Variants in GABRB2 observed in about 807,000 individuals in gnomAD.
The protein encoded by GABRB2 is gamma-aminobutyric acid type A receptor subunit beta2, also known as gamma-aminobutyric acid receptor subunit beta-2.
A neutral mutation model predicts 54.7 loss-of-function variants in GABRB2; 16 were observed. The ratio of observed to expected loss-of-function variants is 0.29; its 90% CI spans 0.20 to 0.44. The LOEUF (loss-of-function observed/expected upper bound fraction) is 0.44, where lower values mean the gene tolerates loss of function less well. Ranked by LOEUF, GABRB2 falls within the 20% of genes least tolerant of loss-of-function variation. The probability of loss-of-function intolerance (pLI) is 1.00; values close to 1 mark genes in which losing one functional copy is unlikely to be tolerated. For synonymous variants in GABRB2, 244 were observed against 233.8 expected (o/e 1.04, Z -0.40); for missense variants, 355 against 644.0 (o/e 0.55, Z 4.86).
chr5:161,373,423 A>G (rs907504897), intron 5 of GABRB2, among the ~76,000 whole-genome samples: 3 of 152,242 alleles, frequency 2.0e-5, no homozygotes, highest in Admixed American at 1.3e-4. Context: ...TATCAGTTCC[A>G]GAACCATGCT....
intron 3 of GABRB2, among the ~76,000 whole-genome samples, chr5:161,479,239 C>T (rs543939720): frequency 3.3e-5 from 5 of 152,190 alleles, no homozygotes; most frequent in African/African-American, 1.2e-4. Context: ...ACTCTGTCTA[C>T]ATCAGATATT....
intron 3 of GABRB2, among the ~76,000 whole-genome samples, chr5:161,489,587 G>C (rs1759039217): frequency 7.0e-6 from 1 of 143,884 alleles, no homozygotes; most frequent in Non-Finnish European, 1.6e-5. Context: ...TAGCATCTCA[G>C]TGAAATTACT....
intron 4 of GABRB2, among the ~76,000 whole-genome samples, chr5:161,421,179 G>A (rs1756836382): frequency 6.6e-6 from 1 of 152,148 alleles, no homozygotes; most frequent in South Asian, 2.1e-4. Flanking sequence ...TCTAGTGTTG[G>A]GTTTTCCAGA....
intron 5 of GABRB2, among the ~76,000 whole-genome samples, chr5:161,389,615 CAGAG>C (rs769492071): frequency 4.7e-5 from 7 of 148,892 alleles, no homozygotes; most frequent in African/African-American, 1.5e-4. Flanking sequence ...GAGACAGAAA[CAGAG>C]AGAAAGAGAA....
intron 5 of GABRB2, among the ~76,000 whole-genome samples, chr5:161,391,364 C>A (rs552223594): frequency 6.6e-6 from 1 of 152,192 alleles, no homozygotes; most frequent in East Asian, 1.9e-4. Context: ...GTCAATTTAA[C>A]GAGACAGGTT....
chr5:161,470,741 A>G (rs1758412977), intron 3 of GABRB2, among the ~76,000 whole-genome samples: 1 of 151,916 alleles, frequency 6.6e-6, no homozygotes, highest in African/African-American at 2.4e-5. Flanking sequence ...TTATTTCTAT[A>G]ATTTTCCATT....
chr5:161,475,687 T>G (rs1039995076), intron 3 of GABRB2, among the ~76,000 whole-genome samples: 1 of 151,894 alleles, frequency 6.6e-6, no homozygotes, highest in African/African-American at 2.4e-5. Flanking sequence ...ATACACTGCA[T>G]TAACAAAATT....
At chr5:161,367,917 A>G (rs1755016185) in intron 5 of GABRB2, among the ~76,000 whole-genome samples, 1 of 152,140 alleles carries the variant, frequency 6.6e-6, no homozygotes, top group Non-Finnish European at 1.5e-5. Context: ...ATCTGGAATA[A>G]AAAAATAAAA....
At chr5:161,436,526 C>T (rs1757313282) in intron 4 of GABRB2, among the ~76,000 whole-genome samples, 1 of 140,012 alleles carries the variant, frequency 7.1e-6, no homozygotes, top group Admixed American at 7.2e-5. Context: ...GAGCAAGACG[C>T]TGTCGAAAAA....
chr5:161,498,010 A>G (rs1347399883), intron 3 of GABRB2, among the ~76,000 whole-genome samples: 1 of 152,198 alleles, frequency 6.6e-6, no homozygotes, highest in Non-Finnish European at 1.5e-5. Context: ...AACATTCTGA[A>G]ATACTCAACA....
intron 4 of GABRB2, among the ~76,000 whole-genome samples, chr5:161,446,649 A>T (rs1023264766): frequency 1.3e-5 from 2 of 152,114 alleles, no homozygotes; most frequent in South Asian, 4.1e-4. Flanking sequence ...GATTCAGTTC[A>T]CTTTTCTTTA....
intron 3 of GABRB2, among the ~76,000 whole-genome samples, chr5:161,505,848 A>G (rs1190482444): frequency 6.6e-6 from 1 of 152,172 alleles, no homozygotes; most frequent in Non-Finnish European, 1.5e-5. Context: ...CAGACTTAAT[A>G]TTTGGAAACT....
At chr5:161,408,611 C>T (rs2421923) in intron 5 of GABRB2, among the ~76,000 whole-genome samples, 139,879 of 152,078 alleles carry the variant, frequency 0.92, 64,434 homozygotes, top group African/African-American at 0.98. Context: ...TATTGATTGT[C>T]GATATGCTGA....
At chr5:161,519,946 C>T (rs951966256) in intron 3 of GABRB2, among the ~76,000 whole-genome samples, 2 of 152,122 alleles carry the variant, frequency 1.3e-5, no homozygotes, top group African/African-American at 4.8e-5. Context: ...TATCTAACAT[C>T]ATGATCATAT....
Position 161,288,793 on chromosome 5 carries a change from A to C in GABRB2, c.*5288T>G, listed in dbSNP as rs1757154418. ...CACTTTTTTTTTTTATAAAAGGACAATTTAGAACTGTGCAGGGACAATATT... is the reference window on the plus strand; with the variant it reads ...CACTTTTTTTTTTTATAAAAGGACACTTTAGAACTGTGCAGGGACAATATT... On this transcript the variant is annotated 3_prime_UTR_variant, in exon 10 of 10. Coordinates refer to ENST00000393959, the MANE Select transcript of GABRB2 (RefSeq NM_001371727.1). 1 of 152,198 alleles carries C rather than the reference A, an allele frequency of 6.6e-6. No homozygotes were observed. Among genetic ancestry groups the C allele is most frequent in the Non-Finnish European group, 1.5e-5 (1 of 68,038 alleles). The allele number at this position is 152,198 out of a possible 1,614,324, so 9.4% of individuals were successfully genotyped here.
intron 9 of GABRB2, among the ~76,000 whole-genome samples, chr5:161,326,084 T>C (rs1490516995): frequency 6.6e-6 from 1 of 152,084 alleles, no homozygotes; most frequent in African/African-American, 2.4e-5. Flanking sequence ...TCAGTACAAA[T>C]GAAAAGGATT....
At chr5:161,487,287 T>A (rs1375146051) in intron 3 of GABRB2, among the ~76,000 whole-genome samples, 1 of 151,946 alleles carries the variant, frequency 6.6e-6, no homozygotes, top group Non-Finnish European at 1.5e-5. Context: ...AGATGAATGA[T>A]CACAGAGACC....
At chr5:161,357,519 C>CAAAA (rs11423363) in intron 5 of GABRB2, among the ~76,000 whole-genome samples, 1 of 140,800 alleles carries the variant, frequency 7.1e-6, no homozygotes, top group African/African-American at 2.6e-5. Flanking sequence ...GAGTTTTGAG[C>CAAAA]AAAAAAAAAA....
intron 3 of GABRB2, among the ~76,000 whole-genome samples, chr5:161,535,025 T>C (rs925650994): frequency 4.6e-5 from 7 of 152,202 alleles, no homozygotes; most frequent in Non-Finnish European, 8.8e-5. Context: ...CCAGGCAACA[T>C]TTCCTGATAA....
Sources: gnomAD v4.1 joint callset for allele counts (sites outside exome capture counted in the v4.1 genomes callset) on GRCh38, gnomAD v4.1.1 for gene constraint, MANE v1.5 for transcripts, NCBI Gene and HGNC (gene_info 2026-07-23, HGNC 2026-07-21) for gene names.